Variants in SLC12A1 observed in about 807,000 individuals in gnomAD.
SLC12A1 encodes the protein Na-K-2Cl cotransporter.
SLC12A1 carries 89 observed loss-of-function variants against 130.4 expected under a neutral mutation model. The observed-to-expected ratio is 0.68, with a 90% confidence interval of 0.58 to 0.81. The LOEUF is 0.81. Ranked by LOEUF, SLC12A1 falls within the 40% of genes least tolerant of loss-of-function variation. The pLI, the probability that SLC12A1 is intolerant of heterozygous loss-of-function variation, is 0.00. For synonymous variants in SLC12A1, 499 were observed against 460.0 expected, an observed-to-expected ratio of 1.08 and a Z score of -1.09; for missense variants, 1,310 against 1,336.4, an observed-to-expected ratio of 0.98 and a Z score of 0.31.
intron 9 of SLC12A1, among the ~76,000 whole-genome samples, chr15:48,240,030 C>CATATAT (rs796802835): frequency 0.016 from 206 of 13,084 alleles, 18 homozygotes; most frequent in African/African-American, 0.022. Flanking sequence ...TATATATATC[C>CATATAT]ATATATATAT....
chr15:48,267,784 G>A (rs2041848726), intron 18 of SLC12A1, 83 bp downstream of exon 18: 2 of 1,455,820 alleles, frequency 1.4e-6, no homozygotes, highest in Non-Finnish European at 1.9e-6. Flanking sequence ...GTGAACAGCT[G>A]TAGTTAGGCA....
At chr15:48,251,883 T>C in intron 15 of SLC12A1, 113 bp downstream of exon 15, 1 of 864,278 alleles carries the variant, frequency 1.2e-6, no homozygotes, top group Non-Finnish European at 1.8e-6. Flanking sequence ...GTAAGGTGGA[T>C]ATTAATAATA....
At chr15:48,248,263 C>G (rs1017713742) in intron 13 of SLC12A1, among the ~76,000 whole-genome samples, 2 of 152,126 alleles carry the variant, frequency 1.3e-5, no homozygotes, top group African/African-American at 2.4e-5. Flanking sequence ...ATTCATGAAT[C>G]CTCATAGCAT....
chr15:48,221,438 T>C (rs1421501605), intron 4 of SLC12A1: 10 of 692,154 alleles, frequency 1.4e-5, no homozygotes, highest in Non-Finnish European at 2.6e-5. Context: ...TGCTGAATTG[T>C]TGAACTTTTT....
intron 21 of SLC12A1, among the ~76,000 whole-genome samples, chr15:48,287,158 T>C (rs1279999760): frequency 1.3e-5 from 2 of 152,056 alleles, no homozygotes; most frequent in African/African-American, 2.4e-5. Context: ...GACACAGATA[T>C]GAGAAATGCT....
At chr15:48,289,431 T>TATCTA (rs60463295) in intron 23 of SLC12A1, among the ~76,000 whole-genome samples, 1 of 122,326 alleles carries the variant, frequency 8.2e-6, no homozygotes, top group African/African-American at 3.3e-5. Context: ...ATATATATAA[T>TATCTA]GTATAACTAT....
intron 13 of SLC12A1, among the ~76,000 whole-genome samples, chr15:48,249,118 C>T (rs1315878157): frequency 6.6e-6 from 1 of 152,112 alleles, no homozygotes; most frequent in Non-Finnish European, 1.5e-5. Flanking sequence ...GTATGAATGA[C>T]AAAGAGTCCT....
In SLC12A1 at chr15:48,253,153, G is replaced by A. The variant is rs376828117; in HGVS notation, c.1942+1383G>A. ...AAGCAGAGCTTGTAGTAACTACCTT[G>A]GAGGGGTCTGTTTAGCTTTTATGAC... is the stretch of plus-strand genomic sequence containing the variant. On this transcript the variant is annotated intron_variant, in intron 15 of 26. Coordinates refer to ENST00000380993, the MANE Select transcript of SLC12A1 (RefSeq NM_000338.3). 1.1e-3 allele frequency among the ~76,000 whole-genome samples: 174 copies of A among 152,260 alleles called. 1 individual carries two copies. The highest frequency in any genetic ancestry group is 4.0e-3 in the African/African-American group (167 of 41,544).
intron 25 of SLC12A1, among the ~76,000 whole-genome samples, chr15:48,299,993 C>T (rs1329698310): frequency 2.0e-5 from 3 of 152,182 alleles, no homozygotes; most frequent in Non-Finnish European, 2.9e-5. Flanking sequence ...CGCTGCTAAT[C>T]TCATTGTACT....
intron 21 of SLC12A1, among the ~76,000 whole-genome samples, chr15:48,286,749 A>C (rs1359329285): frequency 1.3e-5 from 2 of 152,256 alleles, no homozygotes; most frequent in Non-Finnish European, 2.9e-5. Flanking sequence ...AATACCTAGA[A>C]GTTTAAACAC....
At chr15:48,258,702 A>ATC (rs1209418018) in intron 16 of SLC12A1, among the ~76,000 whole-genome samples, 6 of 152,260 alleles carry the variant, frequency 3.9e-5, no homozygotes, top group Non-Finnish European at 8.8e-5. Context: ...TACCAGTACG[A>ATC]ATTTTAGTCC....
intron 25 of SLC12A1, 39 bp from the exon 26 acceptor site, chr15:48,301,276 G>C: frequency 7.3e-7 from 1 of 1,365,784 alleles, no homozygotes. Context: ...TCATAATTCT[G>C]GTAGAACTGT....
intron 15 of SLC12A1, among the ~76,000 whole-genome samples, chr15:48,253,528 T>C (rs2041671004): frequency 6.6e-6 from 1 of 152,282 alleles, no homozygotes; most frequent in Non-Finnish European, 1.5e-5. Context: ...GTTTATTCTT[T>C]GGTATCACTG....
intron 19 of SLC12A1, among the ~76,000 whole-genome samples, chr15:48,273,363 A>T (rs113806690): frequency 0.046 from 6,940 of 152,204 alleles, 179 homozygotes; most frequent in African/African-American, 0.053. Context: ...TTCACTTTTA[A>T]GTACTCTTGT....
chr15:48,240,052 T>TATATATATATATATCC (rs2041491630), intron 9 of SLC12A1, among the ~76,000 whole-genome samples: 2 of 32,880 alleles, frequency 6.1e-5, no homozygotes, highest in Non-Finnish European at 1.6e-4. Context: ...TATATATCCA[T>TATATATATATATATCC]ATATATATAT....
intron 20 of SLC12A1, among the ~76,000 whole-genome samples, chr15:48,277,591 C>T (rs2041966909): frequency 6.6e-6 from 1 of 151,936 alleles, no homozygotes; most frequent in Non-Finnish European, 1.5e-5. Context: ...CAGTGTACAA[C>T]AGTGAAAACC....
In SLC12A1 at chr15:48,279,717, A is replaced by C. The variant is rs36029226; in HGVS notation, c.2485+5064A>C. On this transcript the variant is annotated intron_variant, in intron 20 of 26. Coordinates refer to ENST00000380993, the MANE Select transcript of SLC12A1 (RefSeq NM_000338.3). ...AGTCAAAATTGTACTGGTAAGAAAT[A>C]AAGTGATGGAACATGATTTGCCATA... Among the ~76,000 whole-genome samples, 743 of 152,360 alleles carry C rather than the reference A, an allele frequency of 4.9e-3. 8 individuals are homozygous for C. Among genetic ancestry groups the C allele is most frequent in the Middle Eastern group, 0.044 (13 of 294 alleles).
intron 21 of SLC12A1, among the ~76,000 whole-genome samples, chr15:48,287,702 A>C (rs2042074249): frequency 6.6e-6 from 1 of 152,210 alleles, no homozygotes; most frequent in African/African-American, 2.4e-5. Context: ...GGAAATGTGG[A>C]TATTCTGGCT....
intron 8 of SLC12A1, 56 bp from the exon 9 acceptor site, chr15:48,234,821 T>C: frequency 6.4e-7 from 1 of 1,552,882 alleles, no homozygotes; most frequent in Non-Finnish European, 8.9e-7. Flanking sequence ...GGTAACTTAA[T>C]CTCCTGTACT....
Sources: allele counts gnomAD v4.1 joint callset (sites outside exome capture counted in the v4.1 genomes callset), GRCh38; gene constraint gnomAD v4.1.1; transcripts MANE v1.5; gene names NCBI Gene and HGNC (gene_info 2026-07-23, HGNC 2026-07-21).